DYNC1H1: variants seen among roughly 807,000 people sequenced by gnomAD.
DYNC1H1 encodes cytoplasmic dynein 1 heavy chain 1.
Under a neutral mutation model 527.1 loss-of-function variants are expected in DYNC1H1, and 51 were observed. The observed-to-expected ratio is 0.10, with a 90% CI of 0.08 to 0.12. The LOEUF (loss-of-function observed/expected upper bound fraction) is 0.12, where lower values mean the gene tolerates loss of function less well. Among genes scored for constraint, DYNC1H1 ranks in the 10% least tolerant of loss-of-function variants. DYNC1H1 has a pLI of 1.00. For synonymous variants in DYNC1H1, 2,189 were observed against 2,278.8 expected, an observed-to-expected ratio of 0.96 and a Z score of 1.12; for missense variants, 2,771 against 5,971.8, an observed-to-expected ratio of 0.46 and a Z score of 17.66.
Position 102,049,299 on chromosome 14 carries a change from T to A in DYNC1H1, c.13373-141T>A. On this transcript the variant is annotated intron_variant, in intron 74 of 77. Transcript: ENST00000360184. This position sits in a 1 kb window ranked among gnomAD's most constrained non-coding sequence, Gnocchi z 5.5. Reference sequence around the variant, plus strand: ...TGAGGGCGGCGCCAGGGGCATAAAGTGCAGCCTGGGAAAGGCAGTAGGTGG... The same window carrying A: ...TGAGGGCGGCGCCAGGGGCATAAAGAGCAGCCTGGGAAAGGCAGTAGGTGG... 1 of 1,241,238 alleles carries A rather than the reference T, an allele frequency of 8.1e-7. No individual in the cohort carries two copies. Among genetic ancestry groups the A allele is most frequent in the East Asian group, 2.5e-5 (1 of 40,668 alleles). 76.9% of individuals were successfully genotyped at this position (1,241,238 alleles called of 1,614,324 possible).
chr14:102,003,790 A>G (rs1388418941), intron 23 of DYNC1H1, among the ~76,000 whole-genome samples: 4 of 151,908 alleles, frequency 2.6e-5, no homozygotes, highest in Non-Finnish European at 5.9e-5. Context: ...GCCAGGCATG[A>G]TGGCAGCTGC....
At chr14:102,000,469 A>T in intron 18 of DYNC1H1, 70 bp downstream of exon 18, 1 of 1,451,674 alleles carries the variant, frequency 6.9e-7, no homozygotes, top group Non-Finnish European at 9.6e-7. Context: ...GAACGTGACA[A>T]GCCAAGTTTG....
At chr14:102,025,229 A>G (rs1488536644) in intron 43 of DYNC1H1, among the ~76,000 whole-genome samples, 1 of 151,834 alleles carries the variant, frequency 6.6e-6, no homozygotes, top group Non-Finnish European at 1.5e-5. Context: ...ACATGGTGAA[A>G]ACCCATCTCT....
At position 102,015,466 on chromosome 14, in the gene DYNC1H1, C is replaced by T; in HGVS notation, c.7242+134C>T. 2 of 1,065,590 alleles carry T rather than the reference C, an allele frequency of 1.9e-6. No individual in the cohort carries two copies. The highest frequency in any genetic ancestry group is 1.6e-5 in the South Asian group (1 of 61,690). 66.0% of individuals were successfully genotyped at this position (1,065,590 alleles called of 1,614,324 possible). ...CCACCTGCCTTGGCCTCTCAAAGTG[C>T]TGGGATTACAGGCATGAGTCACTGT... On this transcript the variant is annotated intron_variant, in intron 35 of 77. Coordinates refer to ENST00000360184, the MANE Select transcript of DYNC1H1 (RefSeq NM_001376.5). The surrounding 1 kb of genome is among the most constrained non-coding windows in gnomAD (Gnocchi z 6.9).
At position 102,051,297 on chromosome 14, in the gene DYNC1H1, C is replaced by T. The variant is rs1459043019; in HGVS notation, c.*734C>T. On this transcript the variant is annotated 3_prime_UTR_variant, in exon 78 of 78. Coordinates refer to ENST00000360184, the MANE Select transcript of DYNC1H1 (RefSeq NM_001376.5). ...GGGCGTGGTGGCTCATGCCTGTAAT[C>T]CCAGCACTTTGGGAGGCCGAGGCGG... is the stretch of plus-strand genomic sequence containing the variant. 6.5e-6 allele frequency: 1 copy of T among 153,678 alleles called. No individual in the cohort carries two copies. The highest frequency in any genetic ancestry group is 3.0e-3 in the Middle Eastern group (1 of 328). 9.5% of individuals were successfully genotyped at this position (153,678 alleles called of 1,614,324 possible). A position where few individuals can be genotyped will look rare whatever the true frequency, so the allele number is the denominator to read the frequency against.
intron 69 of DYNC1H1, chr14:102,043,388 T>G (rs1595632694): frequency 4.0e-6 from 1 of 246,960 alleles, no homozygotes; most frequent in Admixed American, 5.2e-5. Flanking sequence ...CATGTTTGAT[T>G]ATGGGGTGTG....
rs1407151844 is a variant in DYNC1H1, at chr14:102,033,407, C to T, written c.10336C>T (p.Arg3446Cys). The change falls in exon 54 of 78, where the codon CGC becomes TGC. Residue 3446 changes from arginine to cysteine, a missense_variant. Transcript: ENST00000360184. The surrounding 1 kb of genome is among the most constrained non-coding windows in gnomAD (Gnocchi z 5.6). ...CCGAGACCTGGAAGCCAGCATCGCCCGCTACAAGGAGGAATACGCCGTCCT... is the reference window on the plus strand; with the variant it reads ...CCGAGACCTGGAAGCCAGCATCGCCTGCTACAAGGAGGAATACGCCGTCCT... ...MIRDLEASIARYKEEYAVLIS... is the reference protein window; with the variant it reads ...MIRDLEASIACYKEEYAVLIS... 24 of 1,614,062 alleles carry T rather than the reference C, an allele frequency of 1.5e-5. No homozygotes were observed. The highest frequency in any genetic ancestry group is 2.2e-5 in the East Asian group (1 of 44,894).
chr14:102,013,408 C>T (rs951614610), intron 34 of DYNC1H1, among the ~76,000 whole-genome samples: 9 of 152,042 alleles, frequency 5.9e-5, no homozygotes, highest in African/African-American at 1.7e-4. Flanking sequence ...GTGAAGCCTT[C>T]CCTGAGAACG....
Position 102,016,228 on chromosome 14 carries a change from AGT to A in DYNC1H1, c.7474-119_7474-118del. On this transcript the variant is annotated intron_variant, in intron 36 of 77. Transcript: ENST00000360184. This position sits in a 1 kb window ranked among gnomAD's most constrained non-coding sequence, Gnocchi z 7.3. ...TTCGTTGAGGGGCTAGGAAAGGTGC[AGT>A]GGGTGTCTGTGATGCAAGAAGACTG... is the stretch of plus-strand genomic sequence containing the variant. 10 of 1,507,214 alleles carry A rather than the reference AGT, an allele frequency of 6.6e-6. No homozygotes were observed. Among genetic ancestry groups the A allele is most frequent in the Non-Finnish European group, 9.0e-6 (10 of 1,105,132 alleles). The allele number at this position is 1,507,214 out of a possible 1,614,324, so 93.4% of individuals were successfully genotyped here. A position where few individuals can be genotyped will look rare whatever the true frequency, so the allele number is the denominator to read the frequency against.
chr14:102,040,869 A>C, intron 64 of DYNC1H1, 196 bp downstream of exon 64: 1 of 655,594 alleles, frequency 1.5e-6, no homozygotes, highest in East Asian at 2.8e-5. Flanking sequence ...TAAAGCAGGA[A>C]GGTCACTTGA....
At chr14:102,043,657 T>C in intron 69 of DYNC1H1, 1 of 618,146 alleles carries the variant, frequency 1.6e-6, no homozygotes. Context: ...TCTAGATTTC[T>C]TACTGGCTGA....
rs535476094 is a variant in DYNC1H1 at position 102,036,649 on chromosome 14, G to A, written c.10908+7G>A. On this transcript the variant is annotated splice_region_variant and intron_variant, in intron 57 of 77. Transcript: ENST00000360184. The surrounding 1 kb of genome is among the most constrained non-coding windows in gnomAD (Gnocchi z 5.6). ...TAACCCCCTTCTGGTCCAGGTTGGT[G>A]TTGGCCTTTGAATTCTTGAAACACT... is the stretch of plus-strand genomic sequence containing the variant. 6 of 1,614,028 alleles carry A rather than the reference G, an allele frequency of 3.7e-6. No individual in the cohort carries two copies. In the African/African-American group the frequency reaches 4.0e-5, roughly 11 times the overall value.
At chr14:102,008,863 A>G (rs1277762826) in intron 29 of DYNC1H1, among the ~76,000 whole-genome samples, 2 of 152,218 alleles carry the variant, frequency 1.3e-5, no homozygotes, top group Admixed American at 6.5e-5. Context: ...AGAGGTTTCT[A>G]TGTCCTAGGA....
Position 102,015,026 on chromosome 14 carries a change from A to G in DYNC1H1, c.7015-79A>G. ...AAGTTTAAAGTCACCCTTTCAGTGT[A>G]TATATAGGTAAAAGAATCTTAATGT... On this transcript the variant is annotated intron_variant, in intron 34 of 77. Transcript: ENST00000360184. The surrounding 1 kb of genome is among the most constrained non-coding windows in gnomAD (Gnocchi z 6.9). 1 of 1,514,616 alleles carries G rather than the reference A, an allele frequency of 6.6e-7. No individual in the cohort carries two copies. The highest frequency in any genetic ancestry group is 9.2e-7 in the Non-Finnish European group (1 of 1,092,616). 93.8% of individuals were successfully genotyped at this position (1,514,616 alleles called of 1,614,324 possible).
At position 102,009,663 on chromosome 14, in the gene DYNC1H1, G is replaced by A. The variant is rs560050716; in HGVS notation, c.5978-180G>A. ...AGGTACATGGGAATGGGTCCACCTG[G>A]GCTGGGAGAATGTGGCTGGTGGTCC... is the stretch of plus-strand genomic sequence containing the variant. On this transcript the variant is annotated intron_variant, in intron 29 of 77. Transcript: ENST00000360184. 9.0e-5 allele frequency: 81 copies of A among 898,530 alleles called. No individual in the cohort carries two copies. The South Asian group carries it at 1.3e-3, about 14-fold the overall frequency. The allele number at this position is 898,530 out of a possible 1,614,324, so 55.7% of individuals were successfully genotyped here. A position where few individuals can be genotyped will look rare whatever the true frequency, so the allele number is the denominator to read the frequency against.
chr14:101,969,874 G>A (rs937046868), intron 1 of DYNC1H1, among the ~76,000 whole-genome samples: 2 of 152,236 alleles, frequency 1.3e-5, no homozygotes, highest in Non-Finnish European at 2.9e-5. Context: ...GAGCATGTCA[G>A]ATTGGGAGCA....
intron 11 of DYNC1H1, 120 bp downstream of exon 11, chr14:101,991,793 A>G: frequency 7.0e-7 from 1 of 1,426,252 alleles, no homozygotes; most frequent in South Asian, 1.2e-5. Context: ...AACTCCAGAC[A>G]TCCCAGGGGA....
rs2048530976 is a variant in DYNC1H1, at chr14:102,033,255, T to C, written c.10198-14T>C. 6.2e-6 allele frequency: 10 copies of C among 1,614,072 alleles called. No homozygotes were observed. Among genetic ancestry groups the C allele is most frequent in the Non-Finnish European group, 7.6e-6 (9 of 1,180,046 alleles). On this transcript the variant is annotated splice_polypyrimidine_tract_variant and intron_variant, in intron 53 of 77. Transcript: ENST00000360184. The surrounding 1 kb of genome is among the most constrained non-coding windows in gnomAD (Gnocchi z 5.6). ...CTGTCACTTAAATAACAGTTATCAATTGGTTCTTCCCAGCTTAACTATGCA... is the reference window on the plus strand; with the variant it reads ...CTGTCACTTAAATAACAGTTATCAACTGGTTCTTCCCAGCTTAACTATGCA...
At position 102,051,722 on chromosome 14, in the gene DYNC1H1, CTT is replaced by C. The variant is rs1366107363; in HGVS notation, c.*1160_*1161del. ...TTTATTTTTGAGATGGAGTTTCGCTCTTGTTGCCCAGGCTGGAGTGCAGTGGC... is the reference window on the plus strand; with the variant it reads ...TTTATTTTTGAGATGGAGTTTCGCTCGTTGCCCAGGCTGGAGTGCAGTGGC... On this transcript the variant is annotated 3_prime_UTR_variant, in exon 78 of 78. Coordinates refer to ENST00000360184, the MANE Select transcript of DYNC1H1 (RefSeq NM_001376.5). 6.5e-6 allele frequency: 1 copy of C among 152,838 alleles called. No individual in the cohort carries two copies. Among genetic ancestry groups the C allele is most frequent in the Non-Finnish European group, 1.5e-5 (1 of 68,590 alleles). 9.5% of individuals were successfully genotyped at this position (152,838 alleles called of 1,614,324 possible). A position where few individuals can be genotyped will look rare whatever the true frequency, so the allele number is the denominator to read the frequency against.
Sources: allele counts gnomAD v4.1 joint callset (sites outside exome capture counted in the v4.1 genomes callset), GRCh38; gene constraint gnomAD v4.1.1; non-coding constraint Gnocchi (gnomAD v3.1); transcripts MANE v1.5; gene names NCBI Gene and HGNC (gene_info 2026-07-23, HGNC 2026-07-21).